Variants in CRYL1 observed in about 807,000 individuals in gnomAD.
The protein encoded by CRYL1 is lambda-crystallin homolog.
A neutral mutation model predicts 36.6 loss-of-function variants in CRYL1; 29 were observed. That is an observed-to-expected ratio of 0.79 (90% CI 0.59 to 1.08). CRYL1 has a LOEUF of 1.08. CRYL1 is among the 50% of genes least tolerant of loss of function. CRYL1 has a pLI of 0.00. For missense variants in CRYL1, 411 were observed against 407.9 expected, an observed-to-expected ratio of 1.01 and a Z score of -0.06; for synonymous variants, 152 against 151.5, an observed-to-expected ratio of 1.00 and a Z score of -0.02.
At chr13:20,483,567 T>C (rs559980622) in intron 3 of CRYL1, among the ~76,000 whole-genome samples, 36 of 152,238 alleles carry the variant, frequency 2.4e-4, no homozygotes, top group Admixed American at 1.3e-3. Context: ...TGAGACAGGG[T>C]CTCACTCTAT....
intron 5 of CRYL1, among the ~76,000 whole-genome samples, chr13:20,423,604 A>T (rs986239710): frequency 6.6e-6 from 1 of 151,972 alleles, no homozygotes; most frequent in African/African-American, 2.4e-5. Context: ...CCCTGTGATG[A>T]ATTCCCCTTG....
At chr13:20,446,537 G>A (rs2032460474) in intron 3 of CRYL1, among the ~76,000 whole-genome samples, 1 of 152,206 alleles carries the variant, frequency 6.6e-6, no homozygotes, top group Non-Finnish European at 1.5e-5. Context: ...ATTCTTTGTT[G>A]AGGGATTGAG....
At chr13:20,466,252 G>T (rs181142544) in intron 3 of CRYL1, among the ~76,000 whole-genome samples, 1 of 152,308 alleles carries the variant, frequency 6.6e-6, no homozygotes. Flanking sequence ...AAACAGAGGG[G>T]ATTAGGAATT....
At position 20,470,910 on chromosome 13, in the gene CRYL1, C is replaced by CAAAAAAAAAAAA. The variant is rs11353451; in HGVS notation, c.276+18448_276+18459dup. ...GGGCAAAAAGAGCAAAACTCCATCTCAAAAAAAAAAAAAAAACAAAAAAAA... is the reference window on the plus strand; with the variant it reads ...GGGCAAAAAGAGCAAAACTCCATCTCAAAAAAAAAAAAAAAAAAAAAAAAAAAACAAAAAAAA... On this transcript the variant is annotated intron_variant, in intron 3 of 7. Coordinates refer to ENST00000298248, the MANE Select transcript of CRYL1 (RefSeq NM_015974.3). Among the ~76,000 whole-genome samples the CAAAAAAAAAAAA allele has an allele frequency of 1.8e-3, 72 of 40,838 alleles. 1 individual carries two copies. The highest frequency in any genetic ancestry group is 5.6e-3 in the African/African-American group (64 of 11,448). 26.8% of individuals were successfully genotyped at this position (40,838 alleles called of 152,430 possible). A position where few individuals can be genotyped will look rare whatever the true frequency, so the allele number is the denominator to read the frequency against.
intron 3 of CRYL1, among the ~76,000 whole-genome samples, chr13:20,466,843 T>A (rs923711015): frequency 2.0e-5 from 3 of 152,240 alleles, no homozygotes; most frequent in African/African-American, 7.2e-5. Context: ...ACATTTTTGA[T>A]AATATTTATA....
intron 6 of CRYL1, among the ~76,000 whole-genome samples, chr13:20,408,032 T>C (rs1179087273): frequency 6.6e-6 from 1 of 152,228 alleles, no homozygotes; most frequent in Admixed American, 6.5e-5. Context: ...CACGCAGCTA[T>C]GAACCCACAC....
intron 1 of CRYL1, among the ~76,000 whole-genome samples, chr13:20,523,106 G>A (rs1315587571): frequency 1.3e-5 from 2 of 151,718 alleles, no homozygotes; most frequent in Admixed American, 6.6e-5. Flanking sequence ...TAGTAGAGAC[G>A]GGATCTCGCC....
At chr13:20,449,741 A>T (rs913214602) in intron 3 of CRYL1, among the ~76,000 whole-genome samples, 5 of 152,228 alleles carry the variant, frequency 3.3e-5, no homozygotes, top group Admixed American at 3.3e-4. Context: ...TGACTTCAAT[A>T]AAGTTTCAAG....
Position 20,465,946 on chromosome 13 carries a change from GAA to G in CRYL1, c.276+23422_276+23423del, listed in dbSNP as rs71198984. Among the ~76,000 whole-genome samples the G allele has an allele frequency of 7.4e-3, 993 of 134,154 alleles. 14 individuals carry two copies. Among genetic ancestry groups the G allele is most frequent in the African/African-American group, 0.023 (863 of 36,950 alleles). 88.0% of individuals were successfully genotyped at this position (134,154 alleles called of 152,430 possible). A position where few individuals can be genotyped will look rare whatever the true frequency, so the allele number is the denominator to read the frequency against. ...CTATTAGTTTCCATGAGAGCTGGTT[GAA>G]AAAAAAAAAAAAAGCCCATCACCTC... On this transcript the variant is annotated intron_variant, in intron 3 of 7. Coordinates refer to ENST00000298248, the MANE Select transcript of CRYL1 (RefSeq NM_015974.3).
At chr13:20,486,294 C>T (rs2033398572) in intron 3 of CRYL1, among the ~76,000 whole-genome samples, 1 of 152,274 alleles carries the variant, frequency 6.6e-6, no homozygotes, top group East Asian at 1.9e-4. Flanking sequence ...CTGTGTATTA[C>T]TCAATTCACC....
intron 5 of CRYL1, among the ~76,000 whole-genome samples, chr13:20,413,972 G>A (rs545098958): frequency 6.6e-6 from 1 of 152,054 alleles, no homozygotes; most frequent in African/African-American, 2.4e-5. Flanking sequence ...TCAGGAGTTC[G>A]AGACCAGCCT....
chr13:20,490,280 T>G (rs1279057865), intron 2 of CRYL1, among the ~76,000 whole-genome samples: 1 of 152,182 alleles, frequency 6.6e-6, no homozygotes, highest in East Asian at 1.9e-4. Flanking sequence ...TAATCTCAGC[T>G]ACTCAGGAGG....
chr13:20,412,319 C>T (rs2031545003), intron 6 of CRYL1, among the ~76,000 whole-genome samples: 1 of 152,084 alleles, frequency 6.6e-6, no homozygotes, highest in South Asian at 2.1e-4. Context: ...CTGGATAAGC[C>T]CCAGCTTCTC....
intron 5 of CRYL1, among the ~76,000 whole-genome samples, chr13:20,417,129 T>C (rs1447662738): frequency 6.6e-6 from 1 of 152,208 alleles, no homozygotes; most frequent in Non-Finnish European, 1.5e-5. Context: ...TAGGATATCA[T>C]GTCCCCAAGG....
chr13:20,443,610 C>G (rs1255100618), intron 3 of CRYL1, among the ~76,000 whole-genome samples: 1 of 152,130 alleles, frequency 6.6e-6, no homozygotes, highest in Non-Finnish European at 1.5e-5. Flanking sequence ...CCAAGCTAGT[C>G]TCGAACTCCT....
rs141504845 is a variant in CRYL1, at chr13:20,509,878, C to T, written c.149+2565G>A. On this transcript the variant is annotated intron_variant, in intron 2 of 7. Transcript: ENST00000298248. ...CTGGGAGGCAGAGGTTGCAGTGAGC[C>T]GAGATCGTGCCATTGCACTCCAGCC... Among the ~76,000 whole-genome samples, 635 of 152,170 alleles carry T rather than the reference C, an allele frequency of 4.2e-3. 5 individuals are homozygous for T. Among genetic ancestry groups the T allele is most frequent in the African/African-American group, 0.014 (563 of 41,526 alleles).
chr13:20,494,452 G>A (rs9579876), intron 2 of CRYL1, among the ~76,000 whole-genome samples: 88,615 of 151,960 alleles, frequency 0.58, 27,009 homozygotes, highest in East Asian at 0.79. Context: ...ATCTCTTAGC[G>A]CCATCATCCC....
chr13:20,521,542 A>G (rs765766592), intron 1 of CRYL1, among the ~76,000 whole-genome samples: 1 of 152,110 alleles, frequency 6.6e-6, no homozygotes, highest in Non-Finnish European at 1.5e-5. Context: ...TCCAACCACT[A>G]TATGCCTGGG....
rs151322996 is a variant in CRYL1 at position 20,404,556 on chromosome 13, C to T, written c.846+79G>A. Reference sequence around the variant, plus strand: ...TTCCAGCTGCAGAGGCAGGCCCACCCGCTGCAGAGGTGAGGGGCAGCAAGT... The same window carrying T: ...TTCCAGCTGCAGAGGCAGGCCCACCTGCTGCAGAGGTGAGGGGCAGCAAGT... On this transcript the variant is annotated intron_variant, in intron 7 of 7. Transcript: ENST00000298248. 13,080 of 887,598 alleles carry T rather than the reference C, an allele frequency of 0.015. 146 individuals carry two copies. The highest frequency in any genetic ancestry group is 0.02 in the Non-Finnish European group (11,069 of 544,238). The allele number at this position is 887,598 out of a possible 1,614,324, so 55.0% of individuals were successfully genotyped here.
Sources: allele counts gnomAD v4.1 joint callset (sites outside exome capture counted in the v4.1 genomes callset), GRCh38; gene constraint gnomAD v4.1.1; transcripts MANE v1.5; gene names NCBI Gene and HGNC (gene_info 2026-07-23, HGNC 2026-07-21).